Variants in ATG9B observed in about 807,000 individuals in gnomAD.
ATG9B encodes the protein autophagy related 9B.
Under a neutral mutation model 92.9 loss-of-function variants are expected in ATG9B, and 92 were observed. The ratio of observed to expected loss-of-function variants is 0.99; its 90% CI spans 0.84 to 1.18. The LOEUF (loss-of-function observed/expected upper bound fraction) is 1.18. ATG9B is among the 50% of genes most tolerant of loss of function. The probability of loss-of-function intolerance (pLI) is 0.00; values close to 1 mark genes in which losing one functional copy is unlikely to be tolerated. For missense variants in ATG9B, 1,344 were observed against 1,235.0 expected (o/e 1.09, Z -1.32); for synonymous variants, 599 against 551.4 (o/e 1.09, Z -1.21).
chr7:151,016,394 C>T lies in ATG9B; in HGVS notation c.2520+37G>A, dbSNP rs568034914. On this transcript the variant is annotated intron_variant, in intron 11 of 13. Coordinates refer to ENST00000639579, the MANE Select transcript of ATG9B (RefSeq NM_001317056.2). ...AGTCTCCATGTTGTTCACCTGCCTT[C>T]TCTCCACATTTCTCCTTTGGGCACC... The T allele has an allele frequency of 2.8e-5, 43 of 1,544,040 alleles. 1 individual carries two copies. The East Asian group carries it at 9.1e-4, about 33-fold the overall frequency.
At chr7:151,023,385 T>G (rs977635605) in intron 3 of ATG9B, 60 bp downstream of exon 3, 96 of 1,604,912 alleles carry the variant, frequency 6.0e-5, no homozygotes, top group Non-Finnish European at 7.9e-5. Flanking sequence ...GGAAGCAAAA[T>G]GACAGAAGGA....
intron 5 of ATG9B, among the ~76,000 whole-genome samples, 157 bp from the exon 6 acceptor site, chr7:151,019,531 T>C (rs1795671768): frequency 6.6e-6 from 1 of 152,166 alleles, no homozygotes; most frequent in African/African-American, 2.4e-5. Context: ...TCTCCCACCT[T>C]TCTCTTTCTG....
downstream of ATG9B, chr7:151,014,489 G>A (rs1795399517): frequency 5.7e-6 from 2 of 351,468 alleles, no homozygotes; most frequent in Admixed American, 4.3e-5. Flanking sequence ...TATCTTACCT[G>A]TAAAGTCTAA....
At chr7:151,012,877 C>T, downstream of ATG9B, 1 of 348,492 alleles carries the variant, frequency 2.9e-6, no homozygotes. Context: ...AAGAAGAGGG[C>T]TGTGACTGGG....
At chr7:151,013,628 TC>T, downstream of ATG9B, 5 of 1,191,508 alleles carry the variant, frequency 4.2e-6, no homozygotes, top group Non-Finnish European at 5.7e-6. Context: ...CCAGGCCCGC[TC>T]CGGAGACTTT....
At chr7:151,015,790 T>A in intron 13 of ATG9B, 77 bp from the exon 14 acceptor site, 1 of 1,437,352 alleles carries the variant, frequency 7.0e-7, no homozygotes, top group African/African-American at 1.4e-5. Flanking sequence ...TCACCCCAAA[T>A]TCCCACCACT....
rs757973885 is a variant in ATG9B, at chr7:151,017,022, G to A, written c.2289+14C>T. 1.1e-5 allele frequency: 18 copies of A among 1,574,860 alleles called. No homozygotes were observed. In the East Asian group the frequency reaches 2.6e-4, roughly 22 times the overall value. On this transcript the variant is annotated intron_variant, in intron 9 of 13. Transcript: ENST00000639579. ...GGGGTGAAGGCAGAAGGGGAGGCCA[G>A]GCTTGGGACTCACCAGGGGCGAGGT...
Position 151,023,104 on chromosome 7 carries a change from C to G in ATG9B, c.762G>C (p.Pro254=), listed in dbSNP as rs780844125. 6.2e-7 allele frequency: 1 copy of G among 1,613,990 alleles called. No homozygotes were observed. Among genetic ancestry groups the G allele is most frequent in the Non-Finnish European group, 8.5e-7 (1 of 1,180,014 alleles). Residue 254 remains proline, a synonymous_variant, in exon 4 of 14, where the codon CCG becomes CCC. Transcript: ENST00000639579. ...NQPSNHTRPG[P]FHSKVTLSDA... ...CTGACAGGGTCACTTTGCTGTGGAA[C>G]GGCCCAGGTCTGGTATGGTTACTTG...
At position 151,017,207 on chromosome 7, in the gene ATG9B, A is replaced by G. The variant is rs773931898; in HGVS notation, c.2118T>C (p.Leu706=). ...GCGCCAGGGAGAACCGCATCAAAGAAAGCTCAGTCTTGCCGTCCTCCGCAC... is the reference window on the plus strand; with the variant it reads ...GCGCCAGGGAGAACCGCATCAAAGAGAGCTCAGTCTTGCCGTCCTCCGCAC... The part of the protein sequence containing the change: ...SQRAEDGKTE[L]SLMRFSLAHP... The change falls in exon 9 of 14, where the codon CTT becomes CTC. Residue 706 remains leucine (L), a synonymous_variant. Coordinates refer to ENST00000639579, the MANE Select transcript of ATG9B (RefSeq NM_001317056.2). The G allele has an allele frequency of 1.2e-6, 2 of 1,612,798 alleles. No individual in the cohort carries two copies. Among genetic ancestry groups the G allele is most frequent in the East Asian group, 2.2e-5 (1 of 44,860 alleles).
chr7:151,013,992 T>G, downstream of ATG9B: 1 of 1,610,964 alleles, frequency 6.2e-7, no homozygotes, highest in East Asian at 2.2e-5. Context: ...TGATCCACTG[T>G]GCTCTTTTCC....
At chr7:151,014,305 A>G (rs568163242), downstream of ATG9B, 135 of 947,670 alleles carry the variant, frequency 1.4e-4, no homozygotes, top group Admixed American at 2.3e-4. Context: ...AGGATTCAGC[A>G]TTATTCCTCC....
upstream of ATG9B, chr7:151,024,496 A>G (rs1406875739): frequency 1.8e-6 from 2 of 1,139,338 alleles, no homozygotes; most frequent in Non-Finnish European, 2.3e-6. Context: ...TGTGACACTG[A>G]GCTGGGACTT....
chr7:151,021,369 C>T (rs779418064), intron 4 of ATG9B, 40 bp from the exon 5 acceptor site: 18 of 1,536,066 alleles, frequency 1.2e-5, no homozygotes, highest in East Asian at 2.3e-5. Context: ...GAAAGGTGGG[C>T]GCCTGAGAAA....
downstream of ATG9B, chr7:151,013,964 G>C: frequency 6.2e-7 from 1 of 1,606,774 alleles, no homozygotes; most frequent in Middle Eastern, 1.7e-4. Flanking sequence ...TTCCTGCTAA[G>C]GTCTCCGAGT....
At position 151,024,075 on chromosome 7, in the gene ATG9B, G is replaced by A. The variant is rs1159555493; in HGVS notation, c.349C>T (p.His117Tyr). 3 of 1,599,640 alleles carry A rather than the reference G, an allele frequency of 1.9e-6. No individual in the cohort carries two copies. Among genetic ancestry groups the A allele is most frequent in the South Asian group, 1.1e-5 (1 of 88,810 alleles). The change falls in exon 1 of 14, where the codon CAC becomes TAC. Residue 117 changes from histidine to tyrosine, a missense_variant. By Grantham distance (83) the His-to-Tyr change is moderately conservative. Coordinates refer to ENST00000639579, the MANE Select transcript of ATG9B (RefSeq NM_001317056.2). ...PASASPSWGS[H>Y]STPPLAPATP... is the part of the protein sequence containing the mutation. ...GCCGGGGCCAGGGGTGGGGTGGAGTGGGATCCCCAGGAGGGAGATGCAGAG... is the reference window on the plus strand; with the variant it reads ...GCCGGGGCCAGGGGTGGGGTGGAGTAGGATCCCCAGGAGGGAGATGCAGAG...
chr7:151,018,525 A>C lies in ATG9B; in HGVS notation c.1719-78T>G. The C allele has an allele frequency of 6.6e-7, 1 of 1,521,238 alleles. No individual in the cohort carries two copies. Among genetic ancestry groups the C allele is most frequent in the Non-Finnish European group, 8.8e-7 (1 of 1,136,662 alleles). 94.2% of individuals were successfully genotyped at this position (1,521,238 alleles called of 1,614,324 possible). Reference sequence around the variant, plus strand: ...GTGGGATGTAGGGCTAGAGGGCCCCAGTGGTGGGAGAGGTAAGGATTCGGG... The same window carrying C: ...GTGGGATGTAGGGCTAGAGGGCCCCCGTGGTGGGAGAGGTAAGGATTCGGG... On this transcript the variant is annotated intron_variant, in intron 6 of 13. Coordinates refer to ENST00000639579, the MANE Select transcript of ATG9B (RefSeq NM_001317056.2). This position sits in a 1 kb window ranked among gnomAD's most constrained non-coding sequence, Gnocchi z 4.7.
At chr7:151,017,749 G>C in intron 8 of ATG9B, 122 bp downstream of exon 8, 1 of 1,232,006 alleles carries the variant, frequency 8.1e-7, no homozygotes, top group Non-Finnish European at 1.1e-6. Flanking sequence ...AGGAAGGGAA[G>C]TGACCCGCTC....
Position 151,018,856 on chromosome 7 carries a change from C to T in ATG9B, c.1482G>A (p.Glu494=), listed in dbSNP as rs1795630587. 1.4e-5 allele frequency: 18 copies of T among 1,317,918 alleles called. No individual in the cohort carries two copies. Among genetic ancestry groups the T allele is most frequent in the East Asian group, 3.1e-5 (1 of 31,804 alleles). The allele number at this position is 1,317,918 out of a possible 1,614,324, so 81.6% of individuals were successfully genotyped here. Residue 494 remains glutamate (E), a synonymous_variant, in exon 6 of 14, where the codon GAG becomes GAA. Coordinates refer to ENST00000639579, the MANE Select transcript of ATG9B (RefSeq NM_001317056.2). The surrounding 1 kb of genome is among the most constrained non-coding windows in gnomAD (Gnocchi z 4.7). ...GGCGCGCGCGCAGCTCGTGCGGCAG[C>T]TCGTTGAAGTGGCGCAGCTGCAAGC... is the stretch of plus-strand genomic sequence containing the variant. ...LARLQLRHFN[E]LPHELRARLA... is the part of the protein sequence containing the mutation.
chr7:151,023,435 A>G lies in ATG9B; in HGVS notation c.659+10T>C. On this transcript the variant is annotated intron_variant, in intron 3 of 13. Coordinates refer to ENST00000639579, the MANE Select transcript of ATG9B (RefSeq NM_001317056.2). Reference sequence around the variant, plus strand: ...GGGACCGAGTTCCGGGCCCGGGCTAAGCGTCTCACCCCAGCTGGAAGACAT... The same window carrying G: ...GGGACCGAGTTCCGGGCCCGGGCTAGGCGTCTCACCCCAGCTGGAAGACAT... 1 of 1,612,838 alleles carries G rather than the reference A, an allele frequency of 6.2e-7. No homozygotes were observed. The highest frequency in any genetic ancestry group is 8.5e-7 in the Non-Finnish European group (1 of 1,179,504).
Sources: allele counts gnomAD v4.1 joint callset (sites outside exome capture counted in the v4.1 genomes callset), GRCh38; gene constraint gnomAD v4.1.1; non-coding constraint Gnocchi (gnomAD v3.1); transcripts MANE v1.5; gene names NCBI Gene and HGNC (gene_info 2026-07-23, HGNC 2026-07-21).